The following TLK2 variants were observed in gnomAD, a reference collection of about 807,000 sequenced individuals.
TLK2 encodes tousled like kinase 2.
In TLK2, 6 loss-of-function variants were observed where a neutral mutation model predicts 117.3. The ratio of observed to expected loss-of-function variants is 0.05; its 90% confidence interval spans 0.03 to 0.10. TLK2 has a LOEUF of 0.10. TLK2 is among the 10% of genes least tolerant of loss of function. The probability of loss-of-function intolerance (pLI) is 1.00; values close to 1 mark genes in which losing one functional copy is unlikely to be tolerated. For synonymous variants in TLK2, 257 were observed against 316.7 expected (o/e 0.81, Z 2.00); for missense variants, 299 against 901.2 (o/e 0.33, Z 8.56).
Position 62,564,926 on chromosome 17 carries a change from T to C in TLK2, c.832-75T>C, listed in dbSNP as rs189432152. The C allele has an allele frequency of 4.6e-6, 7 of 1,510,686 alleles. No homozygotes were observed. In the Admixed American group the frequency reaches 1.4e-4, roughly 30 times the overall value. 93.6% of individuals were successfully genotyped at this position (1,510,686 alleles called of 1,614,324 possible). A position where few individuals can be genotyped will look rare whatever the true frequency, so the allele number is the denominator to read the frequency against. Reference sequence around the variant, plus strand: ...TAATATGTTTCCTGATAATGTTAAATGTTTTAGTTTCTAAGAAGTGTCTTT... The same window carrying C: ...TAATATGTTTCCTGATAATGTTAAACGTTTTAGTTTCTAAGAAGTGTCTTT... On this transcript the variant is annotated intron_variant, in intron 10 of 21. Transcript: ENST00000346027.
chr17:62,557,556 G>T (rs1240594893), intron 9 of TLK2, among the ~76,000 whole-genome samples: 2 of 152,114 alleles, frequency 1.3e-5, no homozygotes, highest in South Asian at 4.2e-4. Context: ...TCATTGTTCG[G>T]ATATGTATAC....
At chr17:62,482,061 G>T (rs965516182) in intron 2 of TLK2, among the ~76,000 whole-genome samples, 2 of 151,766 alleles carry the variant, frequency 1.3e-5, no homozygotes, top group African/African-American at 4.8e-5. Flanking sequence ...TGATTCTCCT[G>T]CCTCAGCCTC....
At chr17:62,486,323 A>T (rs12948445) in intron 2 of TLK2, among the ~76,000 whole-genome samples, 1 of 150,576 alleles carries the variant, frequency 6.6e-6, no homozygotes, top group Non-Finnish European at 1.5e-5. Context: ...ATTCTCAGCT[A>T]ATTTTTATAT....
intron 2 of TLK2, among the ~76,000 whole-genome samples, chr17:62,495,441 G>T (rs535575602): frequency 6.6e-6 from 1 of 151,450 alleles, no homozygotes; most frequent in Non-Finnish European, 1.5e-5. Context: ...TTTAGATAGG[G>T]TCTCACTCTG....
At chr17:62,591,163 C>A (rs1235249979) in intron 16 of TLK2, among the ~76,000 whole-genome samples, 1 of 152,170 alleles carries the variant, frequency 6.6e-6, no homozygotes, top group East Asian at 1.9e-4. Flanking sequence ...GCAGAAGAAT[C>A]CCTTGAACCC....
intron 19 of TLK2, among the ~76,000 whole-genome samples, chr17:62,603,853 A>G (rs970786466): frequency 2.1e-4 from 32 of 152,314 alleles, no homozygotes; most frequent in African/African-American, 7.5e-4. Context: ...ATTGGTAGAA[A>G]TACTGTCATA....
intron 1 of TLK2, among the ~76,000 whole-genome samples, chr17:62,473,251 G>A (rs4059263): frequency 2.6e-4 from 40 of 152,224 alleles, no homozygotes; most frequent in African/African-American, 7.5e-4. Flanking sequence ...CTCTGAGATC[G>A]GGGGTGGTGA....
chr17:62,533,442 G>A (rs2145784466), intron 6 of TLK2, among the ~76,000 whole-genome samples: 1 of 139,556 alleles, frequency 7.2e-6, no homozygotes, highest in East Asian at 2.0e-4. Context: ...GTCTTGCTGT[G>A]TAGCCCAGTG....
At chr17:62,484,359 C>T (rs922310706) in intron 2 of TLK2, among the ~76,000 whole-genome samples, 7 of 151,634 alleles carry the variant, frequency 4.6e-5, no homozygotes, top group Non-Finnish European at 5.9e-5. Flanking sequence ...TGCAGTGGCG[C>T]GATCTCAGCT....
intron 2 of TLK2, among the ~76,000 whole-genome samples, chr17:62,504,283 T>C (rs1311373675): frequency 6.6e-6 from 1 of 152,204 alleles, no homozygotes; most frequent in African/African-American, 2.4e-5. Context: ...TACTGTTTTA[T>C]TTAATCCTTG....
At chr17:62,490,556 T>C (rs891367604) in intron 2 of TLK2, among the ~76,000 whole-genome samples, 1 of 152,124 alleles carries the variant, frequency 6.6e-6, no homozygotes, top group Non-Finnish European at 1.5e-5. Flanking sequence ...TTCTTTTTCT[T>C]TTTTGAGATG....
At chr17:62,610,742 G>A (rs1387684138) in intron 21 of TLK2, among the ~76,000 whole-genome samples, 3 of 152,192 alleles carry the variant, frequency 2.0e-5, no homozygotes, top group African/African-American at 7.2e-5. Context: ...GCAGGAGGGT[G>A]AGGGTAAGTG....
chr17:62,601,980 C>A, intron 18 of TLK2, 62 bp from the exon 19 acceptor site: 2 of 1,486,902 alleles, frequency 1.3e-6, no homozygotes, highest in Non-Finnish European at 9.2e-7. Flanking sequence ...TCTGCTATTA[C>A]TTTGGGTTTT....
At chr17:62,611,622 A>G (rs971829751) in intron 21 of TLK2, among the ~76,000 whole-genome samples, 3 of 152,248 alleles carry the variant, frequency 2.0e-5, no homozygotes, top group Non-Finnish European at 4.4e-5. Context: ...GAGTTTCTGT[A>G]ATAATGATGT....
intron 6 of TLK2, among the ~76,000 whole-genome samples, chr17:62,528,913 T>G (rs1280525116): frequency 6.6e-6 from 1 of 152,220 alleles, no homozygotes; most frequent in Admixed American, 6.5e-5. Flanking sequence ...ACCTACATGC[T>G]GTTCCCTGAT....
chr17:62,497,872 T>A (rs2073848912), intron 2 of TLK2, among the ~76,000 whole-genome samples: 1 of 152,132 alleles, frequency 6.6e-6, no homozygotes, highest in Admixed American at 6.6e-5. Context: ...TATTTTGTAT[T>A]TTTAGTAGAT....
intron 6 of TLK2, among the ~76,000 whole-genome samples, chr17:62,524,902 A>T (rs2076271933): frequency 6.6e-6 from 1 of 152,166 alleles, no homozygotes; most frequent in Non-Finnish European, 1.5e-5. Flanking sequence ...AGGTATGGGG[A>T]TGACACTATA....
chr17:62,555,468 TTTATATTA>T (rs1371418392), intron 9 of TLK2, among the ~76,000 whole-genome samples: 1 of 151,520 alleles, frequency 6.6e-6, no homozygotes, highest in Non-Finnish European at 1.5e-5. Context: ...GTCTGGTGTG[TTTATATTA>T]TTATTAATTT....
intron 9 of TLK2, among the ~76,000 whole-genome samples, chr17:62,555,797 T>G (rs555958071): frequency 6.6e-6 from 1 of 150,628 alleles, no homozygotes; most frequent in East Asian, 2.0e-4. Context: ...ATTTTATATA[T>G]TTATTTTGAG....
Sources: gnomAD v4.1 joint callset for allele counts (sites outside exome capture counted in the v4.1 genomes callset) on GRCh38, gnomAD v4.1.1 for gene constraint, MANE v1.5 for transcripts, NCBI Gene and HGNC (gene_info 2026-07-23, HGNC 2026-07-21) for gene names.